Variants in GRM1 observed in about 807,000 individuals in gnomAD.
The protein encoded by GRM1 is glutamate metabotropic receptor 1, also known as metabotropic glutamate receptor 1.
Under a neutral mutation model 90.9 loss-of-function variants are expected in GRM1, and 33 were observed. The ratio of observed to expected loss-of-function variants is 0.36; its 90% CI spans 0.28 to 0.49. GRM1 has a LOEUF of 0.49. Ranked by LOEUF, GRM1 falls within the 20% of genes least tolerant of loss-of-function variation. GRM1 has a pLI of 0.99. For synonymous variants in GRM1, 700 were observed against 613.2 expected (o/e 1.14, Z -2.09); for missense variants, 1,190 against 1,534.3 (o/e 0.78, Z 3.75).
chr6:146,362,922 A>G (rs1775544466), intron 5 of GRM1, among the ~76,000 whole-genome samples: 1 of 152,136 alleles, frequency 6.6e-6, no homozygotes. Flanking sequence ...ATTACGACCT[A>G]AGATACGCTT....
intron 3 of GRM1, among the ~76,000 whole-genome samples, chr6:146,341,458 A>G (rs1784977971): frequency 6.6e-6 from 1 of 152,214 alleles, no homozygotes; most frequent in South Asian, 2.1e-4. Context: ...TGAACATGGA[A>G]TAAGTGTAGA....
intron 2 of GRM1, among the ~76,000 whole-genome samples, chr6:146,250,224 TG>T (rs1483697443): frequency 6.6e-6 from 1 of 152,146 alleles, no homozygotes; most frequent in African/African-American, 2.4e-5. Context: ...AAGGCATGAT[TG>T]GCTTTGAAAT....
intron 7 of GRM1, among the ~76,000 whole-genome samples, chr6:146,400,702 A>T (rs891627999): frequency 8.5e-5 from 13 of 152,292 alleles, no homozygotes; most frequent in African/African-American, 2.9e-4. Context: ...AAGGTAACCG[A>T]AGTATCCAAA....
intron 2 of GRM1, among the ~76,000 whole-genome samples, chr6:146,210,241 CA>C (rs941907257): frequency 6.6e-6 from 1 of 152,098 alleles, no homozygotes; most frequent in Non-Finnish European, 1.5e-5. Flanking sequence ...GCAATTTGTC[CA>C]AAATTTTCAG....
chr6:146,391,827 G>C (rs1013400592), intron 6 of GRM1, among the ~76,000 whole-genome samples: 1 of 152,090 alleles, frequency 6.6e-6, no homozygotes, highest in Non-Finnish European at 1.5e-5. Context: ...TTCCATATAT[G>C]AAAAAGAATC....
intron 2 of GRM1, among the ~76,000 whole-genome samples, chr6:146,253,620 G>A (rs1781377736): frequency 6.6e-6 from 1 of 152,278 alleles, no homozygotes; most frequent in African/African-American, 2.4e-5. Context: ...TCAATGAAAA[G>A]ATCAGCAGAA....
chr6:146,407,668 A>G (rs1240328578), intron 7 of GRM1, among the ~76,000 whole-genome samples: 1 of 152,210 alleles, frequency 6.6e-6, no homozygotes, highest in African/African-American at 2.4e-5. Context: ...CAAATAAAGA[A>G]TCTGAGGCTT....
rs138914994 is a variant in GRM1 at position 146,264,654 on chromosome 6, C to G, written c.951-39957C>G. On this transcript the variant is annotated intron_variant, in intron 2 of 7. Coordinates refer to ENST00000282753, the MANE Select transcript of GRM1 (RefSeq NM_001278064.2). The stretch of plus-strand genomic sequence containing the variant: ...ATCATCCAAATAGTGAACATTGTAA[C>G]AAAAGGCAATTTTTCAGCCCTCATC... 4.6e-5 allele frequency among the ~76,000 whole-genome samples: 7 copies of G among 151,966 alleles called. No individual in the cohort carries two copies. The East Asian group carries it at 9.7e-4, about 21-fold the overall frequency.
At chr6:146,232,527 A>G (rs554298115) in intron 2 of GRM1, among the ~76,000 whole-genome samples, 1 of 152,174 alleles carries the variant, frequency 6.6e-6, no homozygotes, top group African/African-American at 2.4e-5. Context: ...TTTTTGTTAC[A>G]AACAATCCAA....
At chr6:146,044,802 CGAGT>C (rs1338380056) in intron 1 of GRM1, among the ~76,000 whole-genome samples, 7 of 151,820 alleles carry the variant, frequency 4.6e-5, no homozygotes, top group African/African-American at 1.7e-4. Flanking sequence ...GAAAAAAAAT[CGAGT>C]GAGTGATTAA....
At chr6:146,375,448 G>T (rs1776059453) in intron 5 of GRM1, among the ~76,000 whole-genome samples, 1 of 151,906 alleles carries the variant, frequency 6.6e-6, no homozygotes, top group Non-Finnish European at 1.5e-5. Context: ...ATGTTTCTTT[G>T]TTGATTTTCT....
At chr6:146,292,491 A>C (rs923648844) in intron 2 of GRM1, among the ~76,000 whole-genome samples, 1 of 152,014 alleles carries the variant, frequency 6.6e-6, no homozygotes, top group African/African-American at 2.4e-5. Flanking sequence ...CAAAGAAAAC[A>C]TACAAGTGAC....
chr6:146,147,675 C>G (rs1373430288), intron 1 of GRM1, among the ~76,000 whole-genome samples: 2 of 152,176 alleles, frequency 1.3e-5, no homozygotes, highest in African/African-American at 4.8e-5. Flanking sequence ...GAGAAGTCCT[C>G]TATGAGCCAG....
chr6:146,434,120 C>T lies in GRM1; in HGVS notation c.2909C>T (p.Pro970Leu), dbSNP rs1432380664. ...EEDAQPIRFSPPGSPSMVVHR... is the reference protein window; with the variant it reads ...EEDAQPIRFSLPGSPSMVVHR... ...GATGCCCAGCCGATTCGCTTTAGCC[C>T]GCCTGGTAGCCCTTCCATGGTGGTG... The change falls in exon 8 of 8, where the codon CCG (proline) becomes CTG (leucine). Residue 970 changes from proline (P) to leucine (L), a missense_variant. Pro to Leu is a moderately conservative substitution (Grantham distance 98, BLOSUM62 -3). Around this residue, in one of 10 missense-constraint regions of GRM1, gnomAD observed 400 missense variants for 360.8 expected, o/e 1.11. Transcript: ENST00000282753. 6.3e-5 allele frequency: 102 copies of T among 1,614,074 alleles called. No homozygotes were observed. Among genetic ancestry groups the T allele is most frequent in the Non-Finnish European group, 7.5e-5 (88 of 1,180,050 alleles).
At chr6:146,106,403 C>T (rs776132042) in intron 1 of GRM1, among the ~76,000 whole-genome samples, 1 of 152,158 alleles carries the variant, frequency 6.6e-6, no homozygotes, top group Non-Finnish European at 1.5e-5. Context: ...GAAATGAATT[C>T]TTGGCTATAA....
At chr6:146,278,555 C>A (rs1038645879) in intron 2 of GRM1, among the ~76,000 whole-genome samples, 1 of 152,122 alleles carries the variant, frequency 6.6e-6, no homozygotes, top group Non-Finnish European at 1.5e-5. Context: ...GCGGGCGGAT[C>A]ACCTGAGGTC....
Position 146,159,970 on chromosome 6 carries a change from A to C in GRM1, c.950+373A>C, listed in dbSNP as rs76550324. ...GAAAAACAAGAGCAGAGCAGCATAT[A>C]ACAAGATACTGATACTTTTTCAGAA... is the stretch of plus-strand genomic sequence containing the variant. On this transcript the variant is annotated intron_variant, in intron 2 of 7. Coordinates refer to ENST00000282753, the MANE Select transcript of GRM1 (RefSeq NM_001278064.2). 169 of 168,384 alleles carry C rather than the reference A, an allele frequency of 1.0e-3. 1 individual carries two copies. Among genetic ancestry groups the C allele is most frequent in the African/African-American group, 3.9e-3 (162 of 41,300 alleles). The allele number at this position is 168,384 out of a possible 1,614,324, so 10.4% of individuals were successfully genotyped here.
intron 5 of GRM1, among the ~76,000 whole-genome samples, chr6:146,366,836 C>T (rs185583206): frequency 1.3e-5 from 2 of 152,132 alleles, no homozygotes. Flanking sequence ...AATATTTTTG[C>T]CCATCCTGTA....
chr6:146,118,140 CTTT>C (rs67033918), intron 1 of GRM1, among the ~76,000 whole-genome samples: 1 of 115,452 alleles, frequency 8.7e-6, no homozygotes. Flanking sequence ...TTCTTCTTTT[CTTT>C]TTTTTTTTTT....
Sources: gnomAD v4.1 joint callset for allele counts (sites outside exome capture counted in the v4.1 genomes callset) on GRCh38, gnomAD v4.1.1 for gene constraint, gnomAD v4.1.1 regional missense constraint, MANE v1.5 for transcripts, NCBI Gene and HGNC (gene_info 2026-07-23, HGNC 2026-07-21) for gene names.